Variants in BMPR2 observed in about 807,000 individuals in gnomAD.
The protein encoded by BMPR2 is bone morphogenetic protein receptor type 2.
BMPR2 carries 29 observed loss-of-function variants against 100.8 expected under a neutral mutation model. The ratio of observed to expected loss-of-function variants is 0.29; its 90% CI spans 0.21 to 0.39. The LOEUF (loss-of-function observed/expected upper bound fraction) is 0.39, where lower values mean the gene tolerates loss of function less well. BMPR2 is among the 10% of genes least tolerant of loss of function. The probability of loss-of-function intolerance (pLI) is 1.00; values close to 1 mark genes in which losing one functional copy is unlikely to be tolerated. For missense variants in BMPR2, 1,011 were observed against 1,274.5 expected (o/e 0.79, Z 3.15); for synonymous variants, 382 against 442.3 (o/e 0.86, Z 1.71).
chr2:202,472,698 C>A (rs1692460103), intron 3 of BMPR2, among the ~76,000 whole-genome samples: 1 of 152,154 alleles, frequency 6.6e-6, no homozygotes, highest in South Asian at 2.1e-4. Context: ...TCATACATAT[C>A]CTCAAAGATC....
intron 3 of BMPR2, among the ~76,000 whole-genome samples, chr2:202,494,718 G>A (rs758799324): frequency 6.6e-6 from 1 of 152,130 alleles, no homozygotes; most frequent in East Asian, 1.9e-4. Flanking sequence ...ATGTAAAAAG[G>A]TTTTTTTATT....
At position 202,402,172 on chromosome 2, in the gene BMPR2, G is replaced by A. The variant is rs115320938; in HGVS notation, c.76+24622G>A. On this transcript the variant is annotated intron_variant, in intron 1 of 12. Coordinates refer to ENST00000374580, the MANE Select transcript of BMPR2 (RefSeq NM_001204.7). ...GGGAGGTGGAATAGGCCTTTTTTACGTAGTAACTTTATGTATTTATTGTGT... is the reference window on the plus strand; with the variant it reads ...GGGAGGTGGAATAGGCCTTTTTTACATAGTAACTTTATGTATTTATTGTGT... Among the ~76,000 whole-genome samples the A allele has an allele frequency of 6.4e-3, 968 of 152,270 alleles. 13 individuals are homozygous for A. Among genetic ancestry groups the A allele is most frequent in the African/African-American group, 0.021 (889 of 41,532 alleles).
At chr2:202,458,988 A>G (rs1692174607) in intron 1 of BMPR2, among the ~76,000 whole-genome samples, 1 of 152,206 alleles carries the variant, frequency 6.6e-6, no homozygotes, top group South Asian at 2.1e-4. Context: ...GGAGTGAGAA[A>G]GTAAGATGTC....
At position 202,492,664 on chromosome 2, in the gene BMPR2, C is replaced by G. The variant is rs190690607; in HGVS notation, c.419-21055C>G. 2.3e-5 allele frequency among the ~76,000 whole-genome samples: 3 copies of G among 131,294 alleles called. No individual in the cohort carries two copies. In the Admixed American group the frequency reaches 2.6e-4, roughly 11 times the overall value. 86.1% of individuals were successfully genotyped at this position (131,294 alleles called of 152,430 possible). ...GCAGTAAACAGAGATCCCGCCATTG[C>G]ACTCTAGCCTGGGCGACAATAGCGA... On this transcript the variant is annotated intron_variant, in intron 3 of 12. Coordinates refer to ENST00000374580, the MANE Select transcript of BMPR2 (RefSeq NM_001204.7).
In BMPR2 at chr2:202,483,672, C is replaced by G. The variant is rs538763140; in HGVS notation, c.418+15983C>G. On this transcript the variant is annotated intron_variant, in intron 3 of 12. Coordinates refer to ENST00000374580, the MANE Select transcript of BMPR2 (RefSeq NM_001204.7). ...CCTAGGCCTCCCAAAGTGCTGGGATCTATTATAGGCATGAGCCACCACGCC... is the reference window on the plus strand; with the variant it reads ...CCTAGGCCTCCCAAAGTGCTGGGATGTATTATAGGCATGAGCCACCACGCC... Among the ~76,000 whole-genome samples, 26 of 152,156 alleles carry G rather than the reference C, an allele frequency of 1.7e-4. No individual in the cohort carries two copies. The South Asian group carries it at 5.2e-3, about 30-fold the overall frequency.
At chr2:202,515,288 T>A (rs1429290904) in intron 5 of BMPR2, among the ~76,000 whole-genome samples, 1 of 152,032 alleles carries the variant, frequency 6.6e-6, no homozygotes, top group African/African-American at 2.4e-5. Flanking sequence ...AAAGAAAATA[T>A]GGGCCAGGCG....
intron 7 of BMPR2, among the ~76,000 whole-genome samples, chr2:202,529,949 TTTTA>T (rs1227292660): frequency 6.6e-6 from 1 of 152,134 alleles, no homozygotes; most frequent in African/African-American, 2.4e-5. Flanking sequence ...AGAGCTATGG[TTTTA>T]TTTAATACAA....
At chr2:202,456,360 A>G (rs1261371505) in intron 1 of BMPR2, among the ~76,000 whole-genome samples, 1 of 150,546 alleles carries the variant, frequency 6.6e-6, no homozygotes, top group East Asian at 2.0e-4. Context: ...TTGTACTTTT[A>G]GTAGCGATGG....
At chr2:202,521,252 A>C (rs1344651303) in intron 7 of BMPR2, among the ~76,000 whole-genome samples, 1 of 152,234 alleles carries the variant, frequency 6.6e-6, no homozygotes, top group Non-Finnish European at 1.5e-5. Context: ...TAGTAAAAAC[A>C]ACCTGCTACT....
At chr2:202,470,380 A>G (rs1361796805) in intron 3 of BMPR2, among the ~76,000 whole-genome samples, 1 of 152,110 alleles carries the variant, frequency 6.6e-6, no homozygotes, top group African/African-American at 2.4e-5. Flanking sequence ...AAGCCTTCTT[A>G]GAAAAATGAT....
At chr2:202,548,890 AATTG>A (rs1190114006) in intron 10 of BMPR2, among the ~76,000 whole-genome samples, 1 of 152,200 alleles carries the variant, frequency 6.6e-6, no homozygotes, top group African/African-American at 2.4e-5. Context: ...AAAGAGCTAT[AATTG>A]ATAAACTGCA....
In BMPR2 at chr2:202,532,752, G is replaced by A. The variant is rs1559067042; in HGVS notation, c.1276+20G>A. On this transcript the variant is annotated intron_variant, in intron 9 of 12. Coordinates refer to ENST00000374580, the MANE Select transcript of BMPR2 (RefSeq NM_001204.7). The surrounding 1 kb of genome is among the most constrained non-coding windows in gnomAD (Gnocchi z 4.1). Reference sequence around the variant, plus strand: ...TCCCAGGTAAAAACTACTGTCAAAAGTTGATATTTTTTGAAGTGAAGCAGT... The same window carrying A: ...TCCCAGGTAAAAACTACTGTCAAAAATTGATATTTTTTGAAGTGAAGCAGT... 2 of 1,608,600 alleles carry A rather than the reference G, an allele frequency of 1.2e-6. No individual in the cohort carries two copies. The highest frequency in any genetic ancestry group is 2.2e-5 in the South Asian group (2 of 91,046).
chr2:202,406,481 T>A (rs1233955449), intron 1 of BMPR2, among the ~76,000 whole-genome samples: 1 of 152,236 alleles, frequency 6.6e-6, no homozygotes, highest in Non-Finnish European at 1.5e-5. Context: ...ATAAATTGTT[T>A]AATAGGAATT....
intron 3 of BMPR2, among the ~76,000 whole-genome samples, chr2:202,512,272 A>G (rs1348007029): frequency 6.6e-6 from 1 of 152,172 alleles, no homozygotes; most frequent in Non-Finnish European, 1.5e-5. Flanking sequence ...CTTGATTTTG[A>G]TTGAATATAA....
chr2:202,476,069 T>G (rs921803292), intron 3 of BMPR2, among the ~76,000 whole-genome samples: 2 of 131,100 alleles, frequency 1.5e-5, no homozygotes, highest in Non-Finnish European at 3.1e-5. Flanking sequence ...AGTGAAACTC[T>G]GTCTCAAGGT....
chr2:202,550,124 CT>C (rs946890297), intron 10 of BMPR2, among the ~76,000 whole-genome samples: 3 of 152,088 alleles, frequency 2.0e-5, no homozygotes, highest in Non-Finnish European at 4.4e-5. Context: ...AATCCCAGCA[CT>C]TTGGAAGGTT....
chr2:202,435,513 GTAAAGT>G (rs1277814880), intron 1 of BMPR2, among the ~76,000 whole-genome samples: 14 of 148,520 alleles, frequency 9.4e-5, no homozygotes, highest in African/African-American at 3.4e-4. Flanking sequence ...AGTTTATGAA[GTAAAGT>G]TAGAGTAATC....
At chr2:202,464,736 A>G in intron 1 of BMPR2, 73 bp from the exon 2 acceptor site, 1 of 1,391,956 alleles carries the variant, frequency 7.2e-7, no homozygotes, top group Non-Finnish European at 9.7e-7. Context: ...AGTCATTCGG[A>G]TAAGACAAAG....
At chr2:202,385,863 C>T (rs751674648) in intron 1 of BMPR2, among the ~76,000 whole-genome samples, 4 of 151,734 alleles carry the variant, frequency 2.6e-5, no homozygotes, top group Admixed American at 6.6e-5. Context: ...AGGTTGTTTC[C>T]GATTTTCTTC....
Sources: gnomAD v4.1 joint callset for allele counts (sites outside exome capture counted in the v4.1 genomes callset) on GRCh38, gnomAD v4.1.1 for gene constraint, Gnocchi (gnomAD v3.1) non-coding constraint, MANE v1.5 for transcripts, NCBI Gene and HGNC (gene_info 2026-07-23, HGNC 2026-07-21) for gene names.